Variants in TMEM134 observed in about 807,000 individuals in gnomAD.
TMEM134 encodes the protein transmembrane protein 134.
TMEM134 carries 36 observed loss-of-function variants against 26.2 expected under a neutral mutation model. The observed-to-expected ratio is 1.37, with a 90% confidence interval of 1.05 to 1.81. The LOEUF is 1.81. Ranked by LOEUF, TMEM134 falls within the 40% of genes most tolerant of loss-of-function variation. TMEM134 has a pLI of 0.00. For synonymous variants in TMEM134, 133 were observed against 113.6 expected (o/e 1.17, Z -1.08); for missense variants, 339 against 263.5 (o/e 1.29, Z -1.98).
chr11:67,468,975 C>A, intron 1 of TMEM134, 44 bp downstream of exon 1: 1 of 1,426,868 alleles, frequency 7.0e-7, no homozygotes, highest in Non-Finnish European at 9.2e-7. Flanking sequence ...GCCTGGGGTC[C>A]CGTCCGGCCG....
At position 67,463,024 on chromosome 11, in the gene TMEM134, G is replaced by A. The variant is rs540192277; in HGVS notation, c.*1590C>T. 2 of 152,306 alleles carry A rather than the reference G, an allele frequency of 1.3e-5. No individual in the cohort carries two copies. Among genetic ancestry groups the A allele is most frequent in the East Asian group, 3.9e-4 (2 of 5,190 alleles). The allele number at this position is 152,306 out of a possible 1,614,324, so 9.4% of individuals were successfully genotyped here. A position where few individuals can be genotyped will look rare whatever the true frequency, so the allele number is the denominator to read the frequency against. On this transcript the variant is annotated 3_prime_UTR_variant, in exon 7 of 7. Transcript: ENST00000308022. ...TCTTATGAAAGTACTGGACCGTGAT[G>A]GATTAGAAATGAAAACTGGTCCTTT...
Position 67,463,165 on chromosome 11 carries a change from G to A in TMEM134, c.*1449C>T, listed in dbSNP as rs530147737. ...GTCTGCGGGGCCTGGAAAGGTGGGA[G>A]CGAGAGCAAGAGTCTGGGTGTCCAT... On this transcript the variant is annotated 3_prime_UTR_variant, in exon 7 of 7. Coordinates refer to ENST00000308022, the MANE Select transcript of TMEM134 (RefSeq NM_025124.4). 3.3e-5 allele frequency: 5 copies of A among 152,326 alleles called. No individual in the cohort carries two copies. In the South Asian group the frequency reaches 1.0e-3, roughly 31 times the overall value. The allele number at this position is 152,326 out of a possible 1,614,324, so 9.4% of individuals were successfully genotyped here. A position where few individuals can be genotyped will look rare whatever the true frequency, so the allele number is the denominator to read the frequency against.
chr11:67,469,022 G>C lies in TMEM134; in HGVS notation c.171C>G (p.Tyr57Ter). 6.6e-7 allele frequency: 1 copy of C among 1,504,332 alleles called. No homozygotes were observed. The highest frequency in any genetic ancestry group is 8.9e-7 in the Non-Finnish European group (1 of 1,127,906). The allele number at this position is 1,504,332 out of a possible 1,614,324, so 93.2% of individuals were successfully genotyped here. The change falls in exon 1 of 7, where the codon TAC becomes TAG. Residue 57 changes from tyrosine to a stop codon, truncating the protein, a stop_gained. Transcript: ENST00000308022. LOFTEE classifies it high-confidence loss of function. ...TTAGGTGGGCCGGGCGGTTCACCTG[G>C]TAGCGCAGCCGGGACTGCTTGTCCT... is the stretch of plus-strand genomic sequence containing the variant. ...ADEDKQSRLR[Y>*]QNLENDEDGA...
At position 67,467,348 on chromosome 11, in the gene TMEM134, C is replaced by G; in HGVS notation, c.370G>C (p.Val124Leu). The change falls in exon 4 of 7, where the codon GTG (valine) becomes CTG (leucine). Residue 124 changes from valine (V) to leucine (L), a missense_variant. Val to Leu is a conservative substitution (Grantham distance 32). Coordinates refer to ENST00000308022, the MANE Select transcript of TMEM134 (RefSeq NM_025124.4). The stretch of plus-strand genomic sequence containing the variant: ...AGCAGGAGCAGGAAGGAGGCCAGCA[C>G]CACTCGGCGGTTCTTCTGGATCAAA... ...HPLIQKNRRVVLASFLLLLLG... is the reference protein window; with the variant it reads ...HPLIQKNRRVLLASFLLLLLG... 6.2e-7 allele frequency: 1 copy of G among 1,613,914 alleles called. No homozygotes were observed. The highest frequency in any genetic ancestry group is 8.5e-7 in the Non-Finnish European group (1 of 1,179,894).
Position 67,469,180 on chromosome 11 carries a change from G to C in TMEM134, c.13C>G (p.Arg5Gly). Residue 5 changes from arginine to glycine, a missense_variant, in exon 1 of 7, where the codon CGG (arginine) becomes GGG (glycine). By Grantham distance (125) the Arg-to-Gly change is moderately radical. Coordinates refer to ENST00000308022, the MANE Select transcript of TMEM134 (RefSeq NM_025124.4). Reference protein sequence around the residue: MSAARPQFSIDDAFE... With the variant: MSAAGPQFSIDDAFE... ...GCATCATCAATGCTGAACTGGGGCC[G>C]GGCGGCGCTCATGGCCCCGGCCCGC... is the stretch of plus-strand genomic sequence containing the variant. 1 of 1,350,308 alleles carries C rather than the reference G, an allele frequency of 7.4e-7. No homozygotes were observed. The highest frequency in any genetic ancestry group is 9.6e-7 in the Non-Finnish European group (1 of 1,042,042). The allele number at this position is 1,350,308 out of a possible 1,614,324, so 83.6% of individuals were successfully genotyped here.
chr11:67,464,508 C>A lies in TMEM134; in HGVS notation c.*106G>T. The A allele has an allele frequency of 8.2e-7, 1 of 1,215,610 alleles. No homozygotes were observed. The highest frequency in any genetic ancestry group is 1.2e-6 in the Non-Finnish European group (1 of 847,488). 75.3% of individuals were successfully genotyped at this position (1,215,610 alleles called of 1,614,324 possible). A position where few individuals can be genotyped will look rare whatever the true frequency, so the allele number is the denominator to read the frequency against. ...ACTTCCTGAGCAAACTCCCTAGGGG[C>A]TGGGGTTTCGAGGGTCCTGGAGGGC... On this transcript the variant is annotated 3_prime_UTR_variant, in exon 7 of 7. Coordinates refer to ENST00000308022, the MANE Select transcript of TMEM134 (RefSeq NM_025124.4).
intron 4 of TMEM134, chr11:67,466,951 C>T (rs1428792772): frequency 3.4e-6 from 1 of 291,952 alleles, no homozygotes; most frequent in East Asian, 9.2e-5. Context: ...ACTTGTAGGA[C>T]TTCTGTAAGA....
intron 1 of TMEM134, among the ~76,000 whole-genome samples, 162 bp downstream of exon 1, chr11:67,468,857 G>A (rs1475463517): frequency 6.6e-6 from 1 of 152,198 alleles, no homozygotes; most frequent in African/African-American, 2.4e-5. Flanking sequence ...GGAGGGCCTG[G>A]GCAGGGCTCT....
intron 3 of TMEM134, 53 bp downstream of exon 3, chr11:67,467,448 T>C (rs755188590): frequency 6.3e-7 from 1 of 1,591,272 alleles, no homozygotes; most frequent in South Asian, 1.1e-5. Flanking sequence ...TGCAGGAGGC[T>C]GTGGGGGTGG....
At chr11:67,464,757 G>A (rs769266031) in intron 6 of TMEM134, 46 bp downstream of exon 6, 13 of 1,530,264 alleles carry the variant, frequency 8.5e-6, no homozygotes, top group East Asian at 4.8e-5. Context: ...CGCCCCCAGT[G>A]CCGCCCCACA....
At chr11:67,467,623 A>C (rs758486918) in intron 2 of TMEM134, 33 bp from the exon 3 acceptor site, 1 of 1,608,442 alleles carries the variant, frequency 6.2e-7, no homozygotes, top group South Asian at 1.1e-5. Flanking sequence ...AGGGGCAGGG[A>C]GGCAAGGACG....
At chr11:67,468,115 G>C (rs961905193) in intron 1 of TMEM134, 23 bp from the exon 2 acceptor site, 5 of 1,553,550 alleles carry the variant, frequency 3.2e-6, no homozygotes, top group Non-Finnish European at 4.4e-6. Flanking sequence ...ACAGGTCTCA[G>C]GGGGGTTGCT....
Position 67,469,023 on chromosome 11 carries a change from T to C in TMEM134, c.170A>G (p.Tyr57Cys). Residue 57 changes from tyrosine (Y) to cysteine (C), a missense_variant, in exon 1 of 7, where the codon TAC (tyrosine) becomes TGC (cysteine). Coordinates refer to ENST00000308022, the MANE Select transcript of TMEM134 (RefSeq NM_025124.4). ...TAGGTGGGCCGGGCGGTTCACCTGG[T>C]AGCGCAGCCGGGACTGCTTGTCCTC... is the stretch of plus-strand genomic sequence containing the variant. Reference protein sequence around the residue: ...ADEDKQSRLRYQNLENDEDGA... With the variant: ...ADEDKQSRLRCQNLENDEDGA... The C allele has an allele frequency of 6.7e-7, 1 of 1,503,734 alleles. No individual in the cohort carries two copies. Among genetic ancestry groups the C allele is most frequent in the Non-Finnish European group, 8.9e-7 (1 of 1,127,536 alleles). The allele number at this position is 1,503,734 out of a possible 1,614,324, so 93.1% of individuals were successfully genotyped here.
rs11227800 is a variant in TMEM134, at chr11:67,466,812, G to A, written c.406+500C>T. 4.7e-4 allele frequency: 82 copies of A among 173,186 alleles called. 1 individual carries two copies. Among genetic ancestry groups the A allele is most frequent in the Non-Finnish European group, 7.6e-5 (6 of 79,272 alleles). The allele number at this position is 173,186 out of a possible 1,614,324, so 10.7% of individuals were successfully genotyped here. On this transcript the variant is annotated intron_variant, in intron 4 of 6. Coordinates refer to ENST00000308022, the MANE Select transcript of TMEM134 (RefSeq NM_025124.4). ...CCAAAAGTTCCCCCATCTGAGCAAT[G>A]GGTAGGAGAGGGGTGCTTGTCAGTG...
intron 2 of TMEM134, 190 bp from the exon 3 acceptor site, chr11:67,467,780 A>G (rs1377741081): frequency 3.0e-6 from 2 of 672,808 alleles, no homozygotes; most frequent in Non-Finnish European, 5.1e-6. Context: ...ATTCTGTAGG[A>G]CAGGTGACCT....
intron 2 of TMEM134, 90 bp downstream of exon 2, chr11:67,467,938 G>T: frequency 1.7e-6 from 2 of 1,190,942 alleles, no homozygotes; most frequent in Non-Finnish European, 2.4e-6. Context: ...ATGGAAGAGA[G>T]TGAGTGAAGT....
In TMEM134 at chr11:67,469,009, G is replaced by T; in HGVS notation, c.174+10C>A. The T allele has an allele frequency of 6.7e-7, 1 of 1,487,874 alleles. No homozygotes were observed. Among genetic ancestry groups the T allele is most frequent in the Non-Finnish European group, 8.9e-7 (1 of 1,119,618 alleles). The allele number at this position is 1,487,874 out of a possible 1,614,324, so 92.2% of individuals were successfully genotyped here. On this transcript the variant is annotated intron_variant, in intron 1 of 6. Coordinates refer to ENST00000308022, the MANE Select transcript of TMEM134 (RefSeq NM_025124.4). ...CGGGGGCAGGGGGTTAGGTGGGCCG[G>T]GCGGTTCACCTGGTAGCGCAGCCGG...
rs1565168637 is a variant in TMEM134 at position 67,464,636 on chromosome 11, T to G, written c.566A>C (p.Tyr189Ser). The change falls in exon 7 of 7, where the codon TAC (tyrosine) becomes TCC (serine). Residue 189 changes from tyrosine to serine, a missense_variant. Transcript: ENST00000308022. ...VKGHRGFQFF[Y>S]LPYFEK ...CGATCACTTCTCGAAGTAGGGCAGG[T>G]AGAAGAACTGGAAGCCCCGGTGGCC... 2 of 1,553,002 alleles carry G rather than the reference T, an allele frequency of 1.3e-6. No homozygotes were observed. Among genetic ancestry groups the G allele is most frequent in the South Asian group, 2.4e-5 (2 of 84,178 alleles).
chr11:67,465,265 G>A, intron 4 of TMEM134, 165 bp from the exon 5 acceptor site: 15 of 1,462,828 alleles, frequency 1.0e-5, no homozygotes, highest in Non-Finnish European at 1.3e-5. Context: ...CACTGAGCAG[G>A]CCCTGGGAAG....
Sources: allele counts gnomAD v4.1 joint callset (sites outside exome capture counted in the v4.1 genomes callset), GRCh38; gene constraint gnomAD v4.1.1; transcripts MANE v1.5; gene names NCBI Gene and HGNC (gene_info 2026-07-23, HGNC 2026-07-21).